Variants in EXOC4 observed in about 807,000 individuals in gnomAD.
The protein encoded by EXOC4 is exocyst complex component 4.
A neutral mutation model predicts 107.2 loss-of-function variants in EXOC4; 71 were observed. That is an observed-to-expected ratio of 0.66 (90% CI 0.55 to 0.81). The LOEUF (loss-of-function observed/expected upper bound fraction) is 0.81, where lower values mean the gene tolerates loss of function less well. Among genes scored for constraint, EXOC4 ranks in the 30% least tolerant of loss-of-function variants. The pLI is 0.00. For missense variants in EXOC4, 1,108 were observed against 1,189.6 expected, an observed-to-expected ratio of 0.93 and a Z score of 1.01; for synonymous variants, 456 against 441.2, an observed-to-expected ratio of 1.03 and a Z score of -0.42.
At chr7:133,990,814 T>C (rs1391981016) in intron 14 of EXOC4, among the ~76,000 whole-genome samples, 4 of 152,280 alleles carry the variant, frequency 2.6e-5, no homozygotes, top group South Asian at 2.1e-4. Context: ...CACATTTTCT[T>C]CCACCATTCA....
intron 7 of EXOC4, among the ~76,000 whole-genome samples, chr7:133,474,007 C>G (rs1171655092): frequency 6.6e-6 from 1 of 151,928 alleles, no homozygotes; most frequent in Non-Finnish European, 1.5e-5. Flanking sequence ...TGCGCCTGGC[C>G]TGGGTCTTGT....
intron 10 of EXOC4, among the ~76,000 whole-genome samples, chr7:133,790,544 GTT>G (rs1309986121): frequency 6.6e-6 from 1 of 152,228 alleles, no homozygotes; most frequent in East Asian, 1.9e-4. Context: ...AAGTTCACAT[GTT>G]AACATTATTT....
chr7:133,964,705 C>T (rs1459428808), intron 14 of EXOC4, among the ~76,000 whole-genome samples: 8 of 152,104 alleles, frequency 5.3e-5, no homozygotes, highest in South Asian at 2.1e-4. Flanking sequence ...ATATGTGCCA[C>T]GTTTTTCTTT....
At chr7:134,014,307 G>A (rs1376684679) in intron 17 of EXOC4, among the ~76,000 whole-genome samples, 2 of 152,136 alleles carry the variant, frequency 1.3e-5, no homozygotes, top group African/African-American at 2.4e-5. Context: ...GGGAGGGTGA[G>A]GCAGGAGAAT....
intron 7 of EXOC4, among the ~76,000 whole-genome samples, chr7:133,395,645 T>C (rs1463084147): frequency 6.6e-6 from 1 of 151,998 alleles, no homozygotes; most frequent in Non-Finnish European, 1.5e-5. Context: ...TACTGCTCAG[T>C]AGAAAATTAT....
intron 13 of EXOC4, among the ~76,000 whole-genome samples, chr7:133,925,606 C>A (rs926939665): frequency 5.3e-5 from 8 of 152,012 alleles, no homozygotes; most frequent in Non-Finnish European, 1.5e-5. Flanking sequence ...TTCATTCATA[C>A]CCTGAATGAA....
At chr7:134,008,325 CT>C (rs1318555056) in intron 17 of EXOC4, among the ~76,000 whole-genome samples, 6 of 152,198 alleles carry the variant, frequency 3.9e-5, no homozygotes, top group East Asian at 1.9e-4. Flanking sequence ...TTGTTTTCCC[CT>C]ATCAATAACG....
At chr7:133,653,518 A>G (rs7800006) in intron 10 of EXOC4, among the ~76,000 whole-genome samples, 62,816 of 152,150 alleles carry the variant, frequency 0.41, 13,350 homozygotes, top group South Asian at 0.53. Context: ...AGAAATTTCA[A>G]TTCTCTCTGG....
intron 7 of EXOC4, among the ~76,000 whole-genome samples, chr7:133,461,469 G>T (rs1324031404): frequency 6.6e-6 from 1 of 152,094 alleles, no homozygotes; most frequent in Non-Finnish European, 1.5e-5. Context: ...TTTTATAAGT[G>T]TGACAATATT....
At chr7:133,883,159 G>A (rs1427503041) in intron 11 of EXOC4, among the ~76,000 whole-genome samples, 1 of 151,996 alleles carries the variant, frequency 6.6e-6, no homozygotes, top group Non-Finnish European at 1.5e-5. Flanking sequence ...GTGCACCTTT[G>A]GGTCAGACTA....
intron 10 of EXOC4, among the ~76,000 whole-genome samples, chr7:133,655,389 A>G (rs1446651259): frequency 6.6e-6 from 1 of 152,140 alleles, no homozygotes; most frequent in East Asian, 1.9e-4. Context: ...ATACACTGTT[A>G]TTAGCTATAG....
chr7:133,568,506 A>G (rs1800954597), intron 9 of EXOC4, among the ~76,000 whole-genome samples: 2 of 152,158 alleles, frequency 1.3e-5, no homozygotes, highest in South Asian at 4.1e-4. Flanking sequence ...TTAAATTTTC[A>G]ATTTGTTTGG....
At chr7:133,316,264 A>G (rs538002928) in intron 4 of EXOC4, among the ~76,000 whole-genome samples, 3 of 152,130 alleles carry the variant, frequency 2.0e-5, no homozygotes, top group Non-Finnish European at 4.4e-5. Context: ...CCAATTGCAC[A>G]CATCCTTCCT....
At chr7:133,784,260 A>G (rs1048548559) in intron 10 of EXOC4, among the ~76,000 whole-genome samples, 2 of 152,138 alleles carry the variant, frequency 1.3e-5, no homozygotes, top group Non-Finnish European at 2.9e-5. Flanking sequence ...TGTGATTAAG[A>G]CTTCAAGAGT....
At chr7:133,350,934 A>G (rs1301599603) in intron 5 of EXOC4, among the ~76,000 whole-genome samples, 1 of 152,042 alleles carries the variant, frequency 6.6e-6, no homozygotes, top group Non-Finnish European at 1.5e-5. Flanking sequence ...CTTTCATTAT[A>G]TAAAGCTTTC....
At chr7:133,846,748 A>G (rs1798136312) in intron 11 of EXOC4, among the ~76,000 whole-genome samples, 1 of 152,238 alleles carries the variant, frequency 6.6e-6, no homozygotes, top group South Asian at 2.1e-4. Flanking sequence ...GTGTTCCAGT[A>G]AACTGTATTT....
intron 11 of EXOC4, among the ~76,000 whole-genome samples, chr7:133,852,523 A>G (rs1165656212): frequency 6.6e-6 from 1 of 152,222 alleles, no homozygotes; most frequent in African/African-American, 2.4e-5. Flanking sequence ...AGGATAGCCC[A>G]TGAGATAATT....
At chr7:133,666,162 C>A (rs1321139617) in intron 10 of EXOC4, among the ~76,000 whole-genome samples, 1 of 152,058 alleles carries the variant, frequency 6.6e-6, no homozygotes, top group Non-Finnish European at 1.5e-5. Context: ...GGGAAATAGA[C>A]GGATGTGCTG....
chr7:133,721,266 A>G (rs1795099253), intron 10 of EXOC4, among the ~76,000 whole-genome samples: 1 of 152,192 alleles, frequency 6.6e-6, no homozygotes, highest in South Asian at 2.1e-4. Flanking sequence ...ATAGGAACTT[A>G]TTATAAAGAA....
Sources: allele counts gnomAD v4.1 joint callset (sites outside exome capture counted in the v4.1 genomes callset), GRCh38; gene constraint gnomAD v4.1.1; transcripts MANE v1.5; gene names NCBI Gene and HGNC (gene_info 2026-07-23, HGNC 2026-07-21).